Variants in RIMS3 observed in about 807,000 individuals in gnomAD.
The protein encoded by RIMS3 is regulating synaptic membrane exocytosis 3, also known as regulating synaptic membrane exocytosis protein 3.
A neutral mutation model predicts 29.2 loss-of-function variants in RIMS3; 15 were observed. The ratio of observed to expected loss-of-function variants is 0.51; its 90% CI spans 0.34 to 0.79. The LOEUF (loss-of-function observed/expected upper bound fraction) is 0.79. Ranked by LOEUF, RIMS3 falls within the 30% of genes least tolerant of loss-of-function variation. RIMS3 has a pLI of 0.01. For synonymous variants in RIMS3, 161 were observed against 170.1 expected (o/e 0.95, Z 0.41); for missense variants, 342 against 421.4 (o/e 0.81, Z 1.65).
intron 1 of RIMS3, among the ~76,000 whole-genome samples, chr1:40,648,454 C>T (rs1017052661): frequency 6.6e-6 from 1 of 152,214 alleles, no homozygotes; most frequent in Non-Finnish European, 1.5e-5. Context: ...AGATCTGCCA[C>T]TTACAAGCTG....
chr1:40,679,876 C>T, the RIMS3 span, among the ~76,000 whole-genome samples: 7 of 151,982 alleles, frequency 4.6e-5, no homozygotes, highest in Non-Finnish European at 8.8e-5. Context: ...GAAAGAGTAG[C>T]CTGGATGACT....
In RIMS3 at chr1:40,629,380, G is replaced by A. The variant is rs1441513470; in HGVS notation, c.473-8C>T. 5 of 1,612,180 alleles carry A rather than the reference G, an allele frequency of 3.1e-6. No homozygotes were observed. In the African/African-American group the frequency reaches 5.3e-5, roughly 17 times the overall value. ...TGGCAATGTGCACATCTCCTGAAAG[G>A]AAGAAGAGGGTGAGTCCAGGCAGGG... On this transcript the variant is annotated splice_polypyrimidine_tract_variant and splice_region_variant and intron_variant, in intron 5 of 7. Coordinates refer to ENST00000372684, the MANE Select transcript of RIMS3 (RefSeq NM_014747.3).
Position 40,641,821 on chromosome 1 carries a change from GC to G in RIMS3, c.104del (p.Gly35AlafsTer25), listed in dbSNP as rs763204336. 1.2e-6 allele frequency: 2 copies of G among 1,612,860 alleles called. No individual in the cohort carries two copies. Among genetic ancestry groups the G allele is most frequent in the Non-Finnish European group, 1.7e-6 (2 of 1,178,928 alleles). ...GEICGSQQAG[G>X]GAGTTTAKKR... is the part of the protein sequence containing the mutation. ...TCTTGGCGGTGGTGGTCCCAGCCCC[GC>G]CCCCGGCTTGCTGGGATCCGCAGAT... is the stretch of plus-strand genomic sequence containing the variant. On this transcript the variant is annotated frameshift_variant, in exon 3 of 8. Coordinates refer to ENST00000372684, the MANE Select transcript of RIMS3 (RefSeq NM_014747.3). LOFTEE classifies it high-confidence loss of function.
upstream of RIMS3, among the ~76,000 whole-genome samples, chr1:40,666,659 CAGAG>C (rs1250543623): frequency 6.6e-6 from 1 of 152,146 alleles, no homozygotes; most frequent in East Asian, 1.9e-4. Flanking sequence ...CACCCACTGA[CAGAG>C]AGGACAGAAT....
chr1:40,623,505 G>A lies in RIMS3; in HGVS notation c.*3012C>T, dbSNP rs756953917. 3.3e-5 allele frequency: 13 copies of A among 398,472 alleles called. No individual in the cohort carries two copies. Among genetic ancestry groups the A allele is most frequent in the South Asian group, 1.3e-4 (1 of 7,850 alleles). The allele number at this position is 398,472 out of a possible 1,614,324, so 24.7% of individuals were successfully genotyped here. On this transcript the variant is annotated 3_prime_UTR_variant, in exon 8 of 8. Coordinates refer to ENST00000372684, the MANE Select transcript of RIMS3 (RefSeq NM_014747.3). ...CTCTGCCATATGCACAGTGAACCTC[G>A]CCTGACCAGAGGAGGTGGAATGACA...
chr1:40,645,715 AG>A (rs1442157114), intron 2 of RIMS3, among the ~76,000 whole-genome samples: 2 of 152,240 alleles, frequency 1.3e-5, no homozygotes, highest in East Asian at 3.9e-4. Flanking sequence ...TACCACCCCC[AG>A]GGGGTGAAAA....
chr1:40,675,204 G>A, the RIMS3 span, among the ~76,000 whole-genome samples: 1 of 152,146 alleles, frequency 6.6e-6, no homozygotes, highest in Non-Finnish European at 1.5e-5. Flanking sequence ...GGGAGGCAGA[G>A]GTGGCAGTGA....
Position 40,628,967 on chromosome 1 carries a change from G to T in RIMS3, c.575-18C>A, listed in dbSNP as rs1646471311. Reference sequence around the variant, plus strand: ...ATAGGTGGCTAAGGGAGGAGAGAATGTATGACAGGGAGGGGTCCAGGACAG... The same window carrying T: ...ATAGGTGGCTAAGGGAGGAGAGAATTTATGACAGGGAGGGGTCCAGGACAG... On this transcript the variant is annotated intron_variant, in intron 6 of 7. Coordinates refer to ENST00000372684, the MANE Select transcript of RIMS3 (RefSeq NM_014747.3). 24 of 1,612,702 alleles carry T rather than the reference G, an allele frequency of 1.5e-5. No homozygotes were observed. Among genetic ancestry groups the T allele is most frequent in the Non-Finnish European group, 1.9e-5 (23 of 1,180,000 alleles).
rs760875656 is a variant in RIMS3, at chr1:40,626,558, G to A, written c.886C>T (p.Gln296Ter). The A allele has an allele frequency of 6.2e-7, 1 of 1,613,138 alleles. No individual in the cohort carries two copies. The highest frequency in any genetic ancestry group is 8.5e-7 in the Non-Finnish European group (1 of 1,179,600). ...CTGGTGGCACTCTCCAGGGAAGACT[G>A]GGACAGGCGCCTGGTGAGGGATCCG... ...TLGSLTRRLSQSSLESATSPS... is the reference protein window; with the variant it reads ...TLGSLTRRLS Residue 296 changes from glutamine to a stop codon, truncating the protein, a stop_gained, in exon 8 of 8, where the codon CAG (glutamine) becomes TAG (stop). Coordinates refer to ENST00000372684, the MANE Select transcript of RIMS3 (RefSeq NM_014747.3). LOFTEE classifies it high-confidence loss of function.
intron 1 of RIMS3, among the ~76,000 whole-genome samples, chr1:40,662,584 G>A (rs1481889816): frequency 6.6e-6 from 1 of 152,176 alleles, no homozygotes; most frequent in East Asian, 1.9e-4. Context: ...GAGGCAAGAG[G>A]GCCAGGCATT....
At chr1:40,656,784 A>AAC (rs1491587009) in intron 1 of RIMS3, among the ~76,000 whole-genome samples, 4 of 100,892 alleles carry the variant, frequency 4.0e-5, no homozygotes, top group African/African-American at 8.2e-5. Context: ...ACTCCGTCTC[A>AAC]AAAAAAAAAA....
At position 40,623,447 on chromosome 1, in the gene RIMS3, C is replaced by G. The variant is rs1206189314; in HGVS notation, c.*3070G>C. On this transcript the variant is annotated 3_prime_UTR_variant, in exon 8 of 8. Transcript: ENST00000372684. ...TGAGTCATCCATCACTGTCCCTGCC[C>G]ACAACCCAACATCACTGCAGGGCCA... 1.8e-5 allele frequency: 7 copies of G among 398,550 alleles called. No individual in the cohort carries two copies. Among genetic ancestry groups the G allele is most frequent in the Non-Finnish European group, 3.1e-5 (7 of 226,116 alleles). The allele number at this position is 398,550 out of a possible 1,614,324, so 24.7% of individuals were successfully genotyped here. A position where few individuals can be genotyped will look rare whatever the true frequency, so the allele number is the denominator to read the frequency against.
Position 40,624,091 on chromosome 1 carries a change from C to G in RIMS3, c.*2426G>C, listed in dbSNP as rs1030091740. The G allele has an allele frequency of 1.3e-5, 2 of 152,200 alleles. No individual in the cohort carries two copies. The highest frequency in any genetic ancestry group is 3.1e-3 in the Middle Eastern group (1 of 318). The allele number at this position is 152,200 out of a possible 1,614,324, so 9.4% of individuals were successfully genotyped here. ...CCAGCTAGAACCTCCCCTGTGCTAA[C>G]CCTTCCCCAGAGGCAAGGGTCACCA... On this transcript the variant is annotated 3_prime_UTR_variant, in exon 8 of 8. Coordinates refer to ENST00000372684, the MANE Select transcript of RIMS3 (RefSeq NM_014747.3).
chr1:40,626,752 G>GGAGT (rs778740154), intron 7 of RIMS3, 23 bp from the exon 8 acceptor site: 2 of 1,610,126 alleles, frequency 1.2e-6, no homozygotes, highest in Admixed American at 3.3e-5. Flanking sequence ...AGAGAGGGAG[G>GGAGT]GAGTGAGCCA....
rs551920555 is a variant in RIMS3, at chr1:40,665,066, T to G, written c.-207+328A>C. Among the ~76,000 whole-genome samples the G allele has an allele frequency of 2.6e-5, 4 of 152,198 alleles. No individual in the cohort carries two copies. In the South Asian group the frequency reaches 8.3e-4, roughly 32 times the overall value. On this transcript the variant is annotated intron_variant, in intron 1 of 7. Transcript: ENST00000372684. ...TTCCAGCTCCCTTTCCAGGAGGGAT[T>G]TTAAGCACTTTCCAAAAATGCCATG...
the RIMS3 span, among the ~76,000 whole-genome samples, chr1:40,685,344 A>ATATATATTATATAATATAATTATAT: frequency 6.2e-5 from 2 of 32,248 alleles, no homozygotes; most frequent in African/African-American, 5.1e-4. Flanking sequence ...TAATTATATT[A>ATATATATTATATAATATAATTATAT]TATATATATT....
chr1:40,670,348 C>CA (rs1642476410), upstream of RIMS3, among the ~76,000 whole-genome samples: 1 of 151,526 alleles, frequency 6.6e-6, no homozygotes, highest in Non-Finnish European at 1.5e-5. Context: ...TCTTTGAATG[C>CA]TCCCCAAGGC....
the RIMS3 span, among the ~76,000 whole-genome samples, chr1:40,675,832 G>A: frequency 6.6e-6 from 1 of 152,086 alleles, no homozygotes; most frequent in African/African-American, 2.4e-5. Context: ...GGAGGCTGAG[G>A]CAGGAAGATT....
At chr1:40,690,442 G>A in the RIMS3 span, 9 of 152,020 alleles carry the variant, frequency 5.9e-5, no homozygotes, top group East Asian at 1.7e-3. Flanking sequence ...GCTCTTACCA[G>A]TAACTTCTTT....
Sources: gnomAD v4.1 joint callset for allele counts (sites outside exome capture counted in the v4.1 genomes callset) on GRCh38, gnomAD v4.1.1 for gene constraint, MANE v1.5 for transcripts, NCBI Gene and HGNC (gene_info 2026-07-23, HGNC 2026-07-21) for gene names.